SLC22A23: variants seen among roughly 807,000 people sequenced by gnomAD.
SLC22A23 encodes the protein solute carrier family 22 member 23.
A neutral mutation model predicts 61.0 loss-of-function variants in SLC22A23; 26 were observed. The ratio of observed to expected loss-of-function variants is 0.43; its 90% CI spans 0.31 to 0.59. The LOEUF (loss-of-function observed/expected upper bound fraction) is 0.59, where lower values mean the gene tolerates loss of function less well. SLC22A23 is among the 20% of genes least tolerant of loss of function. The pLI, the probability that SLC22A23 is intolerant of heterozygous loss-of-function variation, is 0.11. For missense variants in SLC22A23, 796 were observed against 934.7 expected, an observed-to-expected ratio of 0.85 and a Z score of 1.94; for synonymous variants, 430 against 413.9, an observed-to-expected ratio of 1.04 and a Z score of -0.47.
At chr6:3,323,156 G>C (rs953199665) in intron 4 of SLC22A23, 3 of 434,678 alleles carry the variant, frequency 6.9e-6, no homozygotes, top group Non-Finnish European at 1.4e-5. Context: ...AAGACTTAAG[G>C]TTACCCATAG....
rs1251325256 is a variant in SLC22A23, at chr6:3,427,850, AG to A, written c.655-11996del. ...TCTAAAAACACCGTGCCAAACTGGC[AG>A]CATGACAGCAGAGTGTGACTGTGCA... On this transcript the variant is annotated intron_variant, in intron 1 of 9. Coordinates refer to ENST00000406686, the MANE Select transcript of SLC22A23 (RefSeq NM_015482.2). The surrounding 1 kb of genome is among the most constrained non-coding windows in gnomAD (Gnocchi z 4.3). 1.4e-5 allele frequency among the ~76,000 whole-genome samples: 2 copies of A among 142,036 alleles called. No homozygotes were observed. Among genetic ancestry groups the A allele is most frequent in the African/African-American group, 6.0e-5 (2 of 33,352 alleles). 93.2% of individuals were successfully genotyped at this position (142,036 alleles called of 152,430 possible).
chr6:3,426,964 G>T (rs555505020), intron 1 of SLC22A23, among the ~76,000 whole-genome samples: 1 of 152,344 alleles, frequency 6.6e-6, no homozygotes, highest in South Asian at 2.1e-4. Context: ...GAAGGGCATC[G>T]CATGGTAAGC....
Position 3,333,555 on chromosome 6 carries a change from G to A in SLC22A23, c.914-9553C>T, listed in dbSNP as rs116839830. Among the ~76,000 whole-genome samples the A allele has an allele frequency of 5.8e-3, 882 of 152,150 alleles. 13 individuals are homozygous for A. The highest frequency in any genetic ancestry group is 0.021 in the African/African-American group (855 of 41,518). On this transcript the variant is annotated intron_variant, in intron 3 of 9. Coordinates refer to ENST00000406686, the MANE Select transcript of SLC22A23 (RefSeq NM_015482.2). The surrounding 1 kb of genome is among the most constrained non-coding windows in gnomAD (Gnocchi z 4.1). ...CCCCCTTCTGGGCTGTGCACTCCCCGTCTGTCCTCCCCAGGGAGTTGCATA... is the reference window on the plus strand; with the variant it reads ...CCCCCTTCTGGGCTGTGCACTCCCCATCTGTCCTCCCCAGGGAGTTGCATA...
intron 3 of SLC22A23, among the ~76,000 whole-genome samples, chr6:3,339,922 T>C (rs998456131): frequency 1.3e-5 from 2 of 152,210 alleles, no homozygotes; most frequent in South Asian, 4.1e-4. Context: ...AACTCTTTCT[T>C]GGGTGAGATC....
intron 1 of SLC22A23, among the ~76,000 whole-genome samples, chr6:3,420,991 C>T (rs1770095058): frequency 6.6e-6 from 1 of 151,982 alleles, no homozygotes. Context: ...ATCCCAGCTA[C>T]TCAGGAGCCT....
At position 3,317,865 on chromosome 6, in the gene SLC22A23, C is replaced by T. The variant is rs1395684326; in HGVS notation, c.1082+5969G>A. Among the ~76,000 whole-genome samples the T allele has an allele frequency of 2.0e-5, 3 of 152,196 alleles. No homozygotes were observed. The highest frequency in any genetic ancestry group is 7.2e-5 in the African/African-American group (3 of 41,446). On this transcript the variant is annotated intron_variant, in intron 4 of 9. Coordinates refer to ENST00000406686, the MANE Select transcript of SLC22A23 (RefSeq NM_015482.2). This position sits in a 1 kb window ranked among gnomAD's most constrained non-coding sequence, Gnocchi z 4.4. ...CCCATTCTCTGGCCACCAGCTGCCG[C>T]AGCTCTTCCTTCACCTAAAGCCCAG...
chr6:3,441,420 G>A (rs1193138260), intron 1 of SLC22A23, among the ~76,000 whole-genome samples: 3 of 152,126 alleles, frequency 2.0e-5, no homozygotes, highest in African/African-American at 7.2e-5. Context: ...TTTGTAGGGG[G>A]GCCTTGCAGG....
At position 3,289,909 on chromosome 6, in the gene SLC22A23, C is replaced by T. The variant is rs1432482986; in HGVS notation, c.1211-43G>A. ...CTGTGAGCCCTGGGCAGGCCGCCCA[C>T]AGAGGACAGGACAGCAGCTGCAGTC... On this transcript the variant is annotated intron_variant, in intron 5 of 9. Coordinates refer to ENST00000406686, the MANE Select transcript of SLC22A23 (RefSeq NM_015482.2). 8 of 1,551,920 alleles carry T rather than the reference C, an allele frequency of 5.2e-6. No individual in the cohort carries two copies. The Admixed American group carries it at 1.2e-4, about 23-fold the overall frequency.
chr6:3,348,583 C>T (rs1764580341), intron 3 of SLC22A23, among the ~76,000 whole-genome samples: 1 of 152,210 alleles, frequency 6.6e-6, no homozygotes, highest in African/African-American at 2.4e-5. Context: ...CACTTACTAG[C>T]CTGGCAATCA....
At chr6:3,395,257 A>G (rs1484840243) in intron 3 of SLC22A23, among the ~76,000 whole-genome samples, 1 of 152,198 alleles carries the variant, frequency 6.6e-6, no homozygotes, top group African/African-American at 2.4e-5. Context: ...ATCTGGATTT[A>G]TACGCACCAA....
At position 3,360,566 on chromosome 6, in the gene SLC22A23, G is replaced by A. The variant is rs1765371195; in HGVS notation, c.914-36564C>T. Among the ~76,000 whole-genome samples, 1 of 152,204 alleles carries A rather than the reference G, an allele frequency of 6.6e-6. No homozygotes were observed. The highest frequency in any genetic ancestry group is 1.5e-5 in the Non-Finnish European group (1 of 68,038). On this transcript the variant is annotated intron_variant, in intron 3 of 9. Transcript: ENST00000406686. The surrounding 1 kb of genome is among the most constrained non-coding windows in gnomAD (Gnocchi z 4.6). Reference sequence around the variant, plus strand: ...CTCAACCGTGGAGGGAGGTCACTTTGGGGCCTTTGCACACATCCGAGTCAA... The same window carrying A: ...CTCAACCGTGGAGGGAGGTCACTTTAGGGCCTTTGCACACATCCGAGTCAA...
At chr6:3,346,372 A>G (rs1177860212) in intron 3 of SLC22A23, among the ~76,000 whole-genome samples, 1 of 152,080 alleles carries the variant, frequency 6.6e-6, no homozygotes, top group Non-Finnish European at 1.5e-5. Context: ...TGACCCATGC[A>G]TTCCCTCAGT....
At chr6:3,353,079 T>C (rs562769187) in intron 3 of SLC22A23, among the ~76,000 whole-genome samples, 29 of 152,344 alleles carry the variant, frequency 1.9e-4, no homozygotes, top group African/African-American at 6.5e-4. Flanking sequence ...GACCAGACCG[T>C]GTCAAGAGAT....
At chr6:3,391,969 A>AGC (rs1382438524) in intron 3 of SLC22A23, among the ~76,000 whole-genome samples, 135 of 152,290 alleles carry the variant, frequency 8.9e-4, no homozygotes, top group African/African-American at 3.1e-3. Flanking sequence ...TGCAAGATCA[A>AGC]AGGGCCAAAC....
At chr6:3,343,042 T>A (rs1480019323) in intron 3 of SLC22A23, among the ~76,000 whole-genome samples, 1 of 152,214 alleles carries the variant, frequency 6.6e-6, no homozygotes, top group African/African-American at 2.4e-5. Context: ...TCATCCTGCA[T>A]CAACTTCTCA....
Position 3,309,105 on chromosome 6 carries a change from G to T in SLC22A23, c.1083-10887C>A, listed in dbSNP as rs537046770. 1.3e-5 allele frequency among the ~76,000 whole-genome samples: 2 copies of T among 151,002 alleles called. No homozygotes were observed. Among genetic ancestry groups the T allele is most frequent in the African/African-American group, 4.9e-5 (2 of 41,026 alleles). On this transcript the variant is annotated intron_variant, in intron 4 of 9. Coordinates refer to ENST00000406686, the MANE Select transcript of SLC22A23 (RefSeq NM_015482.2). The surrounding 1 kb of genome is among the most constrained non-coding windows in gnomAD (Gnocchi z 4.7). ...ATTTGAGGTCAGGAGTTTGAGACCA[G>T]CCTGTCCAACATGGTGAAACCCCCA...
chr6:3,404,961 A>G (rs1233065403), intron 3 of SLC22A23, among the ~76,000 whole-genome samples: 1 of 151,936 alleles, frequency 6.6e-6, no homozygotes, highest in East Asian at 1.9e-4. Flanking sequence ...GAAGCTTAAA[A>G]AAAAAAAAAG....
intron 3 of SLC22A23, among the ~76,000 whole-genome samples, chr6:3,368,910 A>C (rs1432876501): frequency 6.6e-6 from 1 of 152,182 alleles, no homozygotes; most frequent in Non-Finnish European, 1.5e-5. Context: ...TAAACCTATA[A>C]AAATGACTAT....
chr6:3,300,835 G>GA (rs1347916308), intron 4 of SLC22A23, among the ~76,000 whole-genome samples: 1 of 152,192 alleles, frequency 6.6e-6, no homozygotes, highest in Non-Finnish European at 1.5e-5. Flanking sequence ...GGTCTGATCT[G>GA]AATGATAACT....
Sources: allele counts gnomAD v4.1 joint callset (sites outside exome capture counted in the v4.1 genomes callset), GRCh38; gene constraint gnomAD v4.1.1; non-coding constraint Gnocchi (gnomAD v3.1); transcripts MANE v1.5; gene names NCBI Gene and HGNC (gene_info 2026-07-23, HGNC 2026-07-21).